The following ELMO1 variants were observed in gnomAD, a reference collection of about 807,000 sequenced individuals.
ELMO1 encodes the protein engulfment and cell motility 1.
In ELMO1, 26 loss-of-function variants were observed where a neutral mutation model predicts 98.9. The observed-to-expected ratio is 0.26, with a 90% CI of 0.19 to 0.36. ELMO1 has a LOEUF of 0.36. Ranked by LOEUF, ELMO1 falls within the 10% of genes least tolerant of loss-of-function variation. The pLI is 1.00. For missense variants in ELMO1, 627 were observed against 935.2 expected (o/e 0.67, Z 4.30); for synonymous variants, 346 against 346.0 (o/e 1.00, Z 0.00).
intron 16 of ELMO1, among the ~76,000 whole-genome samples, chr7:37,000,025 G>A (rs953605649): frequency 3.3e-5 from 5 of 151,872 alleles, no homozygotes; most frequent in African/African-American, 7.3e-5. Context: ...TTCCCTGACC[G>A]ACCAGCATCT....
At chr7:37,272,103 T>C (rs560036028) in intron 4 of ELMO1, among the ~76,000 whole-genome samples, 28 of 152,216 alleles carry the variant, frequency 1.8e-4, no homozygotes, top group East Asian at 9.6e-4. Context: ...GTCCCAAGTA[T>C]AGCAAACAAA....
intron 20 of ELMO1, among the ~76,000 whole-genome samples, chr7:36,863,820 CTTT>C (rs993266737): frequency 6.6e-6 from 1 of 151,990 alleles, no homozygotes; most frequent in Non-Finnish European, 1.5e-5. Flanking sequence ...CTTCTTACAA[CTTT>C]TTTTTCAACA....
intron 13 of ELMO1, among the ~76,000 whole-genome samples, chr7:37,175,517 G>A (rs1456780465): frequency 6.6e-6 from 1 of 152,040 alleles, no homozygotes; most frequent in African/African-American, 2.4e-5. Context: ...AACCCTCTGG[G>A]GACACTTGGC....
intron 15 of ELMO1, among the ~76,000 whole-genome samples, chr7:37,045,322 T>C (rs1041863479): frequency 1.3e-5 from 2 of 152,196 alleles, no homozygotes; most frequent in African/African-American, 2.4e-5. Flanking sequence ...GCAGGGGACA[T>C]GGGAACTCAG....
At chr7:37,114,501 T>C (rs1410877376) in intron 14 of ELMO1, among the ~76,000 whole-genome samples, 1 of 152,190 alleles carries the variant, frequency 6.6e-6, no homozygotes, top group Admixed American at 6.5e-5. Context: ...CTTTAGTCAC[T>C]GGGTTGCCTT....
At chr7:37,135,622 CA>C (rs1787218874) in intron 13 of ELMO1, among the ~76,000 whole-genome samples, 1 of 152,086 alleles carries the variant, frequency 6.6e-6, no homozygotes, top group African/African-American at 2.4e-5. Flanking sequence ...CCCAGAAGAG[CA>C]AAAACAATCA....
Position 37,021,044 on chromosome 7 carries a change from C to T in ELMO1, c.1301-7609G>A, listed in dbSNP as rs553765132. 4.6e-5 allele frequency among the ~76,000 whole-genome samples: 7 copies of T among 152,138 alleles called. No individual in the cohort carries two copies. In the South Asian group the frequency reaches 6.2e-4, roughly 14 times the overall value. On this transcript the variant is annotated intron_variant, in intron 15 of 21. Transcript: ENST00000310758. ...TTCCTTTGTATAAAAATAATCTTAC[C>T]GTACTTAGAAAACTTTGAGTTTTCT...
chr7:36,913,857 G>C (rs1784504980), intron 16 of ELMO1, among the ~76,000 whole-genome samples: 1 of 152,172 alleles, frequency 6.6e-6, no homozygotes, highest in South Asian at 2.1e-4. Context: ...AGTGGGGTAG[G>C]ATCTTTGACA....
At chr7:37,076,334 A>G (rs1415194535) in intron 15 of ELMO1, among the ~76,000 whole-genome samples, 1 of 152,220 alleles carries the variant, frequency 6.6e-6, no homozygotes, top group African/African-American at 2.4e-5. Flanking sequence ...ATGACTAAAG[A>G]GGAATACTCA....
At chr7:36,963,923 T>A (rs891048867) in intron 16 of ELMO1, among the ~76,000 whole-genome samples, 1 of 152,240 alleles carries the variant, frequency 6.6e-6, no homozygotes, top group African/African-American at 2.4e-5. Context: ...CCCAGAGTCA[T>A]GCTTTAATGT....
chr7:37,333,072 T>C (rs1408666980), intron 2 of ELMO1, among the ~76,000 whole-genome samples: 1 of 152,206 alleles, frequency 6.6e-6, no homozygotes, highest in Non-Finnish European at 1.5e-5. Context: ...GACCCATGAA[T>C]GCATTTGATG....
intron 1 of ELMO1, among the ~76,000 whole-genome samples, chr7:37,358,396 C>A (rs1465704091): frequency 2.0e-5 from 3 of 152,136 alleles, no homozygotes; most frequent in Admixed American, 6.5e-5. Flanking sequence ...AACAAGTACA[C>A]AAATACAGAC....
At chr7:37,186,202 T>C (rs143828557) in intron 13 of ELMO1, among the ~76,000 whole-genome samples, 1 of 152,136 alleles carries the variant, frequency 6.6e-6, no homozygotes, top group East Asian at 1.9e-4. Flanking sequence ...GTCAAGAAAA[T>C]TCAATGAAGA....
At chr7:37,040,648 T>C (rs562966553) in intron 15 of ELMO1, among the ~76,000 whole-genome samples, 1 of 152,326 alleles carries the variant, frequency 6.6e-6, no homozygotes, top group African/African-American at 2.4e-5. Context: ...ACAATGTTAC[T>C]GCCTGTTAGT....
At chr7:37,304,090 G>A (rs1199219107) in intron 4 of ELMO1, among the ~76,000 whole-genome samples, 2 of 152,012 alleles carry the variant, frequency 1.3e-5, no homozygotes, top group African/African-American at 2.4e-5. Flanking sequence ...CCTCTCTAGA[G>A]GAAACATAGC....
intron 2 of ELMO1, among the ~76,000 whole-genome samples, chr7:37,326,503 C>T (rs996923891): frequency 2.0e-5 from 3 of 148,170 alleles, no homozygotes; most frequent in East Asian, 2.0e-4. Flanking sequence ...TGCAGTGAGC[C>T]GAGATCGCAC....
At chr7:37,213,489 A>G in intron 11 of ELMO1, 32 bp from the exon 12 acceptor site, 1 of 1,579,108 alleles carries the variant, frequency 6.3e-7, no homozygotes, top group Non-Finnish European at 8.6e-7. Flanking sequence ...GAAATTTTTT[A>G]AAAAAGAAAG....
intron 1 of ELMO1, among the ~76,000 whole-genome samples, chr7:37,395,069 G>C (rs1437776655): frequency 6.6e-6 from 1 of 152,038 alleles, no homozygotes; most frequent in Non-Finnish European, 1.5e-5. Flanking sequence ...TGTGTTTTAA[G>C]AGTTGCTCAT....
At chr7:37,287,517 A>G (rs1326171773) in intron 4 of ELMO1, among the ~76,000 whole-genome samples, 1 of 152,248 alleles carries the variant, frequency 6.6e-6, no homozygotes. Flanking sequence ...ATATTTAGAG[A>G]TAACTGTGAT....
Sources: allele counts gnomAD v4.1 joint callset (sites outside exome capture counted in the v4.1 genomes callset), GRCh38; gene constraint gnomAD v4.1.1; transcripts MANE v1.5; gene names NCBI Gene and HGNC (gene_info 2026-07-23, HGNC 2026-07-21).